The following ACAD10 variants were observed in gnomAD, a reference collection of about 807,000 sequenced individuals.
The protein encoded by ACAD10 is acyl-CoA dehydrogenase family member 10, also known as ACAD-10.
In ACAD10, 112 loss-of-function variants were observed where a neutral mutation model predicts 116.8. That is an observed-to-expected ratio of 0.96 (90% CI 0.82 to 1.12). The LOEUF is 1.12. Among genes scored for constraint, ACAD10 ranks in the 50% most tolerant of loss-of-function variants. The pLI is 0.00. For missense variants in ACAD10, 1,259 were observed against 1,350.2 expected, an observed-to-expected ratio of 0.93 and a Z score of 1.06; for synonymous variants, 486 against 510.6, an observed-to-expected ratio of 0.95 and a Z score of 0.65.
chr12:111,715,653 C>T, intron 6 of ACAD10, 168 bp from the exon 7 acceptor site: 1 of 820,618 alleles, frequency 1.2e-6, no homozygotes. Flanking sequence ...GAGTGTAGAC[C>T]TGGGACTCAG....
intron 13 of ACAD10, 113 bp from the exon 14 acceptor site, chr12:111,746,030 CG>C: frequency 7.3e-7 from 1 of 1,369,810 alleles, no homozygotes; most frequent in Non-Finnish European, 9.9e-7. Flanking sequence ...TTTGGGCACA[CG>C]TGCATGTTTG....
At chr12:111,712,432 C>T in intron 5 of ACAD10, 66 bp from the exon 6 acceptor site, 3 of 1,440,654 alleles carry the variant, frequency 2.1e-6, no homozygotes, top group Non-Finnish European at 2.9e-6. Context: ...TCTCAACATC[C>T]TGTGAAAGGA....
At chr12:111,723,704 C>G (rs1472390459) in intron 8 of ACAD10, among the ~76,000 whole-genome samples, 1 of 150,878 alleles carries the variant, frequency 6.6e-6, no homozygotes, top group Non-Finnish European at 1.5e-5. Context: ...CCACCTCCCT[C>G]CCGGACGGGG....
At chr12:111,686,270 C>T (rs955061922) in intron 1 of ACAD10, 31 bp downstream of exon 1, 1 of 152,640 alleles carries the variant, frequency 6.6e-6, no homozygotes, top group African/African-American at 2.4e-5. Flanking sequence ...ATCTGCTATG[C>T]AGAACTTTGC....
chr12:111,733,175 T>G (rs1487841518), intron 10 of ACAD10, among the ~76,000 whole-genome samples: 1 of 152,152 alleles, frequency 6.6e-6, no homozygotes, highest in Non-Finnish European at 1.5e-5. Flanking sequence ...CATAACTCAC[T>G]GCAGCCACCA....
At chr12:111,710,244 C>T (rs1045934754) in intron 5 of ACAD10, 2 of 451,892 alleles carry the variant, frequency 4.4e-6, no homozygotes, top group Non-Finnish European at 8.9e-6. Flanking sequence ...TACACCACCA[C>T]ACCCGACTAA....
intron 11 of ACAD10, 145 bp downstream of exon 11, chr12:111,734,213 C>A: frequency 8.7e-7 from 1 of 1,146,634 alleles, no homozygotes; most frequent in South Asian, 1.5e-5. Context: ...AACTAGAATG[C>A]AGTCCTGTCA....
intron 2 of ACAD10, 140 bp downstream of exon 2, chr12:111,693,036 G>GA: frequency 1.1e-6 from 1 of 882,062 alleles, no homozygotes; most frequent in South Asian, 1.7e-5. Flanking sequence ...CGAATTCCAA[G>GA]CACCACTAGG....
chr12:111,731,319 C>A (rs1889379375), intron 10 of ACAD10, among the ~76,000 whole-genome samples: 1 of 152,244 alleles, frequency 6.6e-6, no homozygotes, highest in Non-Finnish European at 1.5e-5. Flanking sequence ...CTGCCTTGAA[C>A]GTGGCATGCA....
Position 111,749,253 on chromosome 12 carries a change from A to G in ACAD10, c.2725A>G (p.Ile909Val). 1 of 1,614,040 alleles carries G rather than the reference A, an allele frequency of 6.2e-7. No homozygotes were observed. Among genetic ancestry groups the G allele is most frequent in the Non-Finnish European group, 8.5e-7 (1 of 1,180,010 alleles). The change falls in exon 18 of 21, where the codon ATC (isoleucine) becomes GTC (valine). Residue 909 changes from isoleucine (I) to valine (V), a missense_variant. By Grantham distance (29) the Ile-to-Val change is conservative. Coordinates refer to ENST00000313698, the MANE Select transcript of ACAD10 (RefSeq NM_025247.6). ...CCTGGGCCCTGGCCGAGGCTTTGAGATCGCCCAGGGCAGACTGGGCCCCGG... is the reference window on the plus strand; with the variant it reads ...CCTGGGCCCTGGCCGAGGCTTTGAGGTCGCCCAGGGCAGACTGGGCCCCGG... ...MVLGPGRGFE[I>V]AQGRLGPGRI...
chr12:111,730,761 T>TG (rs1889364235), intron 10 of ACAD10, among the ~76,000 whole-genome samples: 1 of 151,784 alleles, frequency 6.6e-6, no homozygotes, highest in Non-Finnish European at 1.5e-5. Flanking sequence ...TTTCTTTTTT[T>TG]TTTTTTTTTA....
intron 4 of ACAD10, 46 bp from the exon 5 acceptor site, chr12:111,709,480 C>A: frequency 1.4e-6 from 2 of 1,464,804 alleles, no homozygotes; most frequent in Non-Finnish European, 9.1e-7. Context: ...CATGTGGGAG[C>A]TCCACCTTTC....
chr12:111,745,121 C>A, intron 13 of ACAD10, 78 bp downstream of exon 13: 1 of 1,457,240 alleles, frequency 6.9e-7, no homozygotes, highest in South Asian at 1.4e-5. Context: ...TCACCTGAAC[C>A]ATCCCAGGCA....
At chr12:111,693,413 C>G (rs938442105) in intron 2 of ACAD10, among the ~76,000 whole-genome samples, 3 of 152,130 alleles carry the variant, frequency 2.0e-5, no homozygotes, top group African/African-American at 7.2e-5. Context: ...TGACAGGCAC[C>G]TGTAGTTCTA....
chr12:111,749,304 A>T lies in ACAD10; in HGVS notation c.2776A>T (p.Ile926Phe). 1 of 1,613,984 alleles carries T rather than the reference A, an allele frequency of 6.2e-7. No homozygotes were observed. Among genetic ancestry groups the T allele is most frequent in the Non-Finnish European group, 8.5e-7 (1 of 1,179,984 alleles). The change falls in exon 18 of 21, where the codon ATC becomes TTC. Residue 926 changes from isoleucine (I) to phenylalanine (F), a missense_variant. Coordinates refer to ENST00000313698, the MANE Select transcript of ACAD10 (RefSeq NM_025247.6). ...CAGGATCCATCACTGCATGAGGCTGATCGGGTTCTCAGAGAGGGCCCTGGC... is the reference window on the plus strand; with the variant it reads ...CAGGATCCATCACTGCATGAGGCTGTTCGGGTTCTCAGAGAGGGCCCTGGC... ...PGRIHHCMRL[I>F]GFSERALALM...
intron 7 of ACAD10, 69 bp from the exon 8 acceptor site, chr12:111,721,598 CAAAG>C (rs1186354551): frequency 1.6e-5 from 22 of 1,386,586 alleles, no homozygotes; most frequent in Non-Finnish European, 2.0e-5. Context: ...AAACAAAAAA[CAAAG>C]AAAAGTAACT....
At chr12:111,749,078 A>G (rs1314619329) in intron 17 of ACAD10, 95 bp from the exon 18 acceptor site, 10 of 1,613,380 alleles carry the variant, frequency 6.2e-6, no homozygotes, top group Non-Finnish European at 8.5e-6. Context: ...GGGCAGGGAC[A>G]TTGCCAGCAG....
intron 6 of ACAD10, among the ~76,000 whole-genome samples, chr12:111,713,934 C>G (rs1269374135): frequency 6.7e-6 from 1 of 150,250 alleles, no homozygotes; most frequent in African/African-American, 2.5e-5. Context: ...CTCCGTCCCC[C>G]CCCCAAAAAA....
Position 111,706,071 on chromosome 12 carries a change from C to A in ACAD10, c.531+139C>A, listed in dbSNP as rs546733255. The A allele has an allele frequency of 4.6e-6, 4 of 864,170 alleles. No individual in the cohort carries two copies. The South Asian group carries it at 7.0e-5, about 15-fold the overall frequency. The allele number at this position is 864,170 out of a possible 1,614,324, so 53.5% of individuals were successfully genotyped here. On this transcript the variant is annotated intron_variant, in intron 4 of 20. Transcript: ENST00000313698. Reference sequence around the variant, plus strand: ...CACTTGACTAAGTTAGGTTTAAATGCAATATGTTGAAAACAGACCCTTTAA... The same window carrying A: ...CACTTGACTAAGTTAGGTTTAAATGAAATATGTTGAAAACAGACCCTTTAA...
Sources: allele counts gnomAD v4.1 joint callset (sites outside exome capture counted in the v4.1 genomes callset), GRCh38; gene constraint gnomAD v4.1.1; transcripts MANE v1.5; gene names NCBI Gene and HGNC (gene_info 2026-07-23, HGNC 2026-07-21).